The following CCDC148 variants were observed in gnomAD, a reference collection of about 807,000 sequenced individuals.
The protein encoded by CCDC148 is coiled-coil domain-containing protein 148.
Under a neutral mutation model 85.7 loss-of-function variants are expected in CCDC148, and 89 were observed. The observed-to-expected ratio is 1.04, with a 90% CI of 0.87 to 1.24. The LOEUF (loss-of-function observed/expected upper bound fraction) is 1.24, where lower values mean the gene tolerates loss of function less well. Ranked by LOEUF, CCDC148 falls within the 50% of genes most tolerant of loss-of-function variation. The pLI is 0.00. For missense variants in CCDC148, 692 were observed against 671.7 expected (o/e 1.03, Z -0.33); for synonymous variants, 230 against 213.9 (o/e 1.08, Z -0.66).
At chr2:158,395,710 C>A (rs907217646) in intron 1 of CCDC148, among the ~76,000 whole-genome samples, 5 of 152,228 alleles carry the variant, frequency 3.3e-5, no homozygotes, top group African/African-American at 9.6e-5. Context: ...AGCAGGAAGA[C>A]AAAGGGCTCT....
chr2:158,447,910 A>G (rs2105347967), intron 1 of CCDC148, among the ~76,000 whole-genome samples: 1 of 152,244 alleles, frequency 6.6e-6, no homozygotes, highest in East Asian at 1.9e-4. Flanking sequence ...CAATTTATCA[A>G]TTTCTTCTTT....
intron 7 of CCDC148, among the ~76,000 whole-genome samples, chr2:158,323,887 A>G (rs1353207089): frequency 6.6e-6 from 1 of 151,402 alleles, no homozygotes; most frequent in African/African-American, 2.4e-5. Context: ...AAATATGCCA[A>G]AATTATGTCT....
At chr2:158,279,407 T>A (rs1690144513) in intron 9 of CCDC148, among the ~76,000 whole-genome samples, 1 of 152,068 alleles carries the variant, frequency 6.6e-6, no homozygotes, top group Non-Finnish European at 1.5e-5. Flanking sequence ...ATAACAAGAA[T>A]AACTAATACA....
intron 1 of CCDC148, among the ~76,000 whole-genome samples, chr2:158,385,308 G>A (rs1452414825): frequency 6.6e-6 from 1 of 152,140 alleles, no homozygotes. Context: ...GGCAGAGATA[G>A]CTCAACAAGT....
chr2:158,298,789 T>C (rs903707860), intron 9 of CCDC148, among the ~76,000 whole-genome samples: 1 of 152,236 alleles, frequency 6.6e-6, no homozygotes, highest in African/African-American at 2.4e-5. Flanking sequence ...TCTATTTTCT[T>C]TAACAAATTA....
intron 13 of CCDC148, among the ~76,000 whole-genome samples, chr2:158,173,698 AT>A (rs1254064603): frequency 6.6e-6 from 1 of 151,942 alleles, no homozygotes; most frequent in African/African-American, 2.4e-5. Flanking sequence ...TAATACAGAG[AT>A]TTGTGTCTGA....
intron 9 of CCDC148, among the ~76,000 whole-genome samples, chr2:158,256,613 T>C (rs1322792367): frequency 2.6e-5 from 4 of 151,782 alleles, no homozygotes; most frequent in African/African-American, 9.7e-5. Flanking sequence ...CTGACAATAA[T>C]GAAATATGAA....
Position 158,273,851 on chromosome 2 carries a change from C to T in CCDC148, c.1111-22939G>A, listed in dbSNP as rs552383549. ...GTTCAGCATGATCTACCTTGCTACACTGTGCCTCCCCCACCCAACCAAAAA... is the reference window on the plus strand; with the variant it reads ...GTTCAGCATGATCTACCTTGCTACATTGTGCCTCCCCCACCCAACCAAAAA... On this transcript the variant is annotated intron_variant, in intron 9 of 13. Transcript: ENST00000283233. Among the ~76,000 whole-genome samples the T allele has an allele frequency of 5.3e-5, 8 of 152,254 alleles. No homozygotes were observed. In the East Asian group the frequency reaches 1.2e-3, roughly 22 times the overall value.
rs763649804 is a variant in CCDC148 at position 158,250,831 on chromosome 2, C to T, written c.1192G>A (p.Glu398Lys). ...ISARRREKEE[E>K]KEKLWKKKEL... ...TTCTTCTTCCACAGTTTCTCTTTCTCCTCTTCCTTTTCTCTTCTTCTGGCA... is the reference window on the plus strand; with the variant it reads ...TTCTTCTTCCACAGTTTCTCTTTCTTCTCTTCCTTTTCTCTTCTTCTGGCA... Residue 398 changes from glutamate to lysine, a missense_variant, in exon 10 of 14, where the codon GAG becomes AAG. By Grantham distance (56) the Glu-to-Lys change is moderately conservative. Transcript: ENST00000283233. 12 of 1,604,958 alleles carry T rather than the reference C, an allele frequency of 7.5e-6. No homozygotes were observed. The highest frequency in any genetic ancestry group is 8.5e-6 in the Non-Finnish European group (10 of 1,177,332).
chr2:158,355,335 G>A (rs1299518785), intron 2 of CCDC148, among the ~76,000 whole-genome samples: 2 of 152,002 alleles, frequency 1.3e-5, no homozygotes, highest in East Asian at 1.9e-4. Flanking sequence ...AAACCCCATT[G>A]TCTCAGCCCA....
chr2:158,178,748 T>A (rs1188720666), intron 12 of CCDC148, 131 bp downstream of exon 12: 3 of 639,010 alleles, frequency 4.7e-6, no homozygotes, highest in South Asian at 2.0e-5. Flanking sequence ...AACAGCAGTA[T>A]CCCCATTTGG....
intron 1 of CCDC148, among the ~76,000 whole-genome samples, chr2:158,398,191 C>A (rs776046933): frequency 8.5e-5 from 13 of 152,186 alleles, no homozygotes; most frequent in South Asian, 2.1e-4. Flanking sequence ...GACTTTAACA[C>A]CCCACTCTCA....
At chr2:158,273,500 G>A (rs985653434) in intron 9 of CCDC148, among the ~76,000 whole-genome samples, 2 of 152,134 alleles carry the variant, frequency 1.3e-5, no homozygotes, top group African/African-American at 4.8e-5. Context: ...GGGCACGTGC[G>A]TCTTTGTTTG....
At chr2:158,336,822 G>T (rs751014134) in intron 7 of CCDC148, among the ~76,000 whole-genome samples, 3 of 151,942 alleles carry the variant, frequency 2.0e-5, no homozygotes, top group Non-Finnish European at 4.4e-5. Flanking sequence ...GTCCTCAAGG[G>T]GTTTACAGTC....
chr2:158,441,320 T>A (rs1490252033), intron 1 of CCDC148, among the ~76,000 whole-genome samples: 3 of 152,146 alleles, frequency 2.0e-5, no homozygotes. Flanking sequence ...AAATGAACTA[T>A]GAAACCCTAA....
chr2:158,265,410 T>A lies in CCDC148; in HGVS notation c.1111-14498A>T, dbSNP rs1250122645. Reference sequence around the variant, plus strand: ...CTCTTCATAAGAGTCAGTTTTTTCATACGTGTGACTCCTCTGCATCATATA... The same window carrying A: ...CTCTTCATAAGAGTCAGTTTTTTCAAACGTGTGACTCCTCTGCATCATATA... On this transcript the variant is annotated intron_variant, in intron 9 of 13. Coordinates refer to ENST00000283233, the MANE Select transcript of CCDC148 (RefSeq NM_138803.4). 2.6e-5 allele frequency among the ~76,000 whole-genome samples: 4 copies of A among 152,274 alleles called. No individual in the cohort carries two copies. In the East Asian group the frequency reaches 7.7e-4, roughly 29 times the overall value.
At chr2:158,397,261 T>G (rs1176105073) in intron 1 of CCDC148, among the ~76,000 whole-genome samples, 1 of 152,050 alleles carries the variant, frequency 6.6e-6, no homozygotes, top group Non-Finnish European at 1.5e-5. Flanking sequence ...ACATTCAAAT[T>G]CAGGAAATAC....
intron 1 of CCDC148, among the ~76,000 whole-genome samples, chr2:158,453,535 A>T (rs575996784): frequency 6.6e-6 from 1 of 152,232 alleles, no homozygotes; most frequent in Non-Finnish European, 1.5e-5. Flanking sequence ...CTTTAAAAAG[A>T]AAACCCCAAA....
At chr2:158,313,955 A>T (rs1216007102) in intron 7 of CCDC148, 61 bp from the exon 8 acceptor site, 1 of 1,540,914 alleles carries the variant, frequency 6.5e-7, no homozygotes, top group Non-Finnish European at 8.8e-7. Flanking sequence ...GAGGGACTCA[A>T]ACTGTTCAAG....
Sources: gnomAD v4.1 joint callset for allele counts (sites outside exome capture counted in the v4.1 genomes callset) on GRCh38, gnomAD v4.1.1 for gene constraint, MANE v1.5 for transcripts, NCBI Gene and HGNC (gene_info 2026-07-23, HGNC 2026-07-21) for gene names.